CRYBG3: variants seen among roughly 807,000 people sequenced by gnomAD.
CRYBG3 encodes the protein crystallin beta-gamma domain containing 3.
A neutral mutation model predicts 244.2 loss-of-function variants in CRYBG3; 127 were observed. The observed-to-expected ratio is 0.52, with a 90% CI of 0.45 to 0.60. The LOEUF (loss-of-function observed/expected upper bound fraction) is 0.60. Among genes scored for constraint, CRYBG3 ranks in the 20% least tolerant of loss-of-function variants. The pLI, the probability that CRYBG3 is intolerant of heterozygous loss-of-function variation, is 0.00. For missense variants in CRYBG3, 3,325 were observed against 3,442.5 expected, an observed-to-expected ratio of 0.97 and a Z score of 0.85; for synonymous variants, 1,132 against 1,195.8, an observed-to-expected ratio of 0.95 and a Z score of 1.10.
intron 16 of CRYBG3, among the ~76,000 whole-genome samples, chr3:97,914,439 A>G (rs1325335026): frequency 6.6e-6 from 1 of 152,166 alleles, no homozygotes; most frequent in Non-Finnish European, 1.5e-5. Context: ...TTCTAGGACA[A>G]ACTAGTCACA....
intron 17 of CRYBG3, among the ~76,000 whole-genome samples, chr3:97,928,220 T>TA (rs58585339): frequency 0.081 from 12,281 of 151,992 alleles, 647 homozygotes; most frequent in Non-Finnish European, 0.12. Flanking sequence ...TGTGCAGCCA[T>TA]AAAAAAAGCA....
intron 15 of CRYBG3, among the ~76,000 whole-genome samples, chr3:97,910,055 T>TGCTCAGG: frequency 6.6e-6 from 1 of 151,868 alleles, no homozygotes; most frequent in East Asian, 1.9e-4. Context: ...CCAGTTAGGC[T>TGCTCAGG]GCTCAGGGGT....
intron 1 of CRYBG3, among the ~76,000 whole-genome samples, chr3:97,830,358 G>A (rs2038638557): frequency 6.6e-6 from 1 of 151,842 alleles, no homozygotes; most frequent in Non-Finnish European, 1.5e-5. Context: ...CTTGGTCTCT[G>A]TGTCTTCCTG....
In CRYBG3 at chr3:97,877,410, A is replaced by G. The variant is rs768690055; in HGVS notation, c.6216A>G (p.Ser2072=). The G allele has an allele frequency of 3.7e-6, 6 of 1,614,196 alleles. No individual in the cohort carries two copies. Among genetic ancestry groups the G allele is most frequent in the Non-Finnish European group, 4.2e-6 (5 of 1,180,024 alleles). ...FDSDSSEMFL[S]VEAKRYKIYP... ...GTGATAGTTCAGAAATGTTCTTATC[A>G]GTGGAGGCCAAAAGGTACAAAATTT... Residue 2072 remains serine (S), a synonymous_variant, in exon 4 of 22, where the codon TCA becomes TCG. Transcript: ENST00000389622.
At chr3:97,935,245 A>T (rs1397874034) in intron 18 of CRYBG3, among the ~76,000 whole-genome samples, 1 of 152,098 alleles carries the variant, frequency 6.6e-6, no homozygotes, top group African/African-American at 2.4e-5. Context: ...AAATCAATAT[A>T]TAATTAGGTA....
rs574306932 is a variant in CRYBG3, at chr3:97,902,733, T to G, written c.8004+2248T>G. Among the ~76,000 whole-genome samples, 19 of 152,276 alleles carry G rather than the reference T, an allele frequency of 1.2e-4. No individual in the cohort carries two copies. The South Asian group carries it at 3.9e-3, about 32-fold the overall frequency. ...ACACCACCTTTTATTGAGAAGATTT[T>G]TTTTTCCTGAAGACTGAAGGTTGGT... On this transcript the variant is annotated intron_variant, in intron 15 of 21. Coordinates refer to ENST00000389622, the MANE Select transcript of CRYBG3 (RefSeq NM_153605.4).
rs184723985 is a variant in CRYBG3 at position 97,876,355 on chromosome 3, G to C, written c.5161G>C (p.Asp1721His). The C allele has an allele frequency of 1.8e-3, 2,212 of 1,232,028 alleles. 12 individuals carry two copies. The highest frequency in any genetic ancestry group is 4.4e-3 in the Middle Eastern group (14 of 3,208). 76.3% of individuals were successfully genotyped at this position (1,232,028 alleles called of 1,614,324 possible). ...AGCAATGGAAAATACTTACCAAAAG[G>C]ATGCTGAAGGGGATATTGGAAAGGC... ...TLAMENTYQKDAEGDIGKAEV... is the reference protein window; with the variant it reads ...TLAMENTYQKHAEGDIGKAEV... The change falls in exon 4 of 22, where the codon GAT becomes CAT. Residue 1721 changes from aspartate to histidine, a missense_variant. Asp to His is a moderately conservative substitution (Grantham distance 81). Around this residue, in one of 4 missense-constraint regions of CRYBG3, gnomAD observed 635 missense variants for 771.7 expected, o/e 0.82. Coordinates refer to ENST00000389622, the MANE Select transcript of CRYBG3 (RefSeq NM_153605.4).
At chr3:97,898,247 T>G (rs931262823) in intron 12 of CRYBG3, among the ~76,000 whole-genome samples, 2 of 152,002 alleles carry the variant, frequency 1.3e-5, no homozygotes, top group Non-Finnish European at 2.9e-5. Flanking sequence ...AAAGAAAGTT[T>G]TATCTAATTG....
intron 9 of CRYBG3, among the ~76,000 whole-genome samples, chr3:97,888,861 T>C (rs1176448550): frequency 1.3e-5 from 2 of 152,164 alleles, no homozygotes; most frequent in Non-Finnish European, 2.9e-5. Context: ...ACAGTGCATG[T>C]GAGAAAAAGT....
intron 1 of CRYBG3, among the ~76,000 whole-genome samples, chr3:97,837,968 C>T (rs746057111): frequency 4.6e-5 from 7 of 152,090 alleles, no homozygotes; most frequent in Admixed American, 1.3e-4. Flanking sequence ...GCTTTACTCT[C>T]CCTTACTGTG....
At chr3:97,883,635 G>A (rs1051123839) in intron 7 of CRYBG3, among the ~76,000 whole-genome samples, 34 of 152,072 alleles carry the variant, frequency 2.2e-4, no homozygotes, top group Non-Finnish European at 3.2e-4. Context: ...GTTTGTTCTC[G>A]GAATCATTTT....
chr3:97,919,970 G>A (rs567528859), intron 17 of CRYBG3, among the ~76,000 whole-genome samples: 240 of 151,984 alleles, frequency 1.6e-3, no homozygotes, highest in Non-Finnish European at 2.0e-3. Flanking sequence ...GGGTTTCACC[G>A]TGTTGCCCAG....
chr3:97,912,056 T>G, intron 15 of CRYBG3, 111 bp from the exon 16 acceptor site: 1 of 503,292 alleles, frequency 2.0e-6, no homozygotes, highest in Admixed American at 3.8e-5. Flanking sequence ...AAAACATGAG[T>G]CTGATATTTT....
chr3:97,889,187 A>G lies in CRYBG3; in HGVS notation c.7405-168A>G, dbSNP rs186301510. ...ACACTATAACTTGGTTTTGGCTACT[A>G]TAGAGTTCTGTGCTTAAAGTTTAAA... is the stretch of plus-strand genomic sequence containing the variant. On this transcript the variant is annotated intron_variant, in intron 9 of 21. Coordinates refer to ENST00000389622, the MANE Select transcript of CRYBG3 (RefSeq NM_153605.4). Among the ~76,000 whole-genome samples, 43 of 152,300 alleles carry G rather than the reference A, an allele frequency of 2.8e-4. No homozygotes were observed. The East Asian group carries it at 6.2e-3, about 22-fold the overall frequency.
intron 1 of CRYBG3, among the ~76,000 whole-genome samples, chr3:97,824,328 AAAAACTTTTATC>A (rs1460802519): frequency 6.6e-6 from 1 of 152,244 alleles, no homozygotes; most frequent in Non-Finnish European, 1.5e-5. Flanking sequence ...TTGTGGGCAT[AAAAACTTTTATC>A]ATTATGAGAG....
chr3:97,851,239 G>A (rs955177730), intron 2 of CRYBG3, among the ~76,000 whole-genome samples: 1 of 152,120 alleles, frequency 6.6e-6, no homozygotes, highest in Admixed American at 6.5e-5. Context: ...TCAAGTATTG[G>A]TGGTGGAATT....
Position 97,876,691 on chromosome 3 carries a change from A to C in CRYBG3, c.5497A>C (p.Ile1833Leu). 2 of 1,242,808 alleles carry C rather than the reference A, an allele frequency of 1.6e-6. No homozygotes were observed. The highest frequency in any genetic ancestry group is 1.6e-5 in the African/African-American group (1 of 64,502). The allele number at this position is 1,242,808 out of a possible 1,614,324, so 77.0% of individuals were successfully genotyped here. A position where few individuals can be genotyped will look rare whatever the true frequency, so the allele number is the denominator to read the frequency against. ...ATGCAAGAGAGATGTTAAAGAGACT[A>C]TTGGAGCAACTGTGTCCACACCCTC... ...KACKRDVKETIGATVSTPSVI... is the reference protein window; with the variant it reads ...KACKRDVKETLGATVSTPSVI... Residue 1833 changes from isoleucine to leucine, a missense_variant, in exon 4 of 22, where the codon ATT becomes CTT. Physicochemically the swap from Ile to Leu is conservative, Grantham distance 5. This residue lies in a region of CRYBG3 where 635 missense variants were observed against 771.7 expected (regional missense o/e 0.82). Coordinates refer to ENST00000389622, the MANE Select transcript of CRYBG3 (RefSeq NM_153605.4).
At position 97,943,386 on chromosome 3, in the gene CRYBG3, C is replaced by T. The variant is rs946173160; in HGVS notation, c.*72C>T. Reference sequence around the variant, plus strand: ...AACACATCTGTCATTGTCTTGTGGACGTGGAAAGGAAGCTACTGTCCTCAC... The same window carrying T: ...AACACATCTGTCATTGTCTTGTGGATGTGGAAAGGAAGCTACTGTCCTCAC... On this transcript the variant is annotated 3_prime_UTR_variant, in exon 22 of 22. Transcript: ENST00000389622. The T allele has an allele frequency of 1.7e-5, 15 of 881,512 alleles. No homozygotes were observed. The highest frequency in any genetic ancestry group is 8.8e-5 in the South Asian group (6 of 67,838). The allele number at this position is 881,512 out of a possible 1,614,324, so 54.6% of individuals were successfully genotyped here. A position where few individuals can be genotyped will look rare whatever the true frequency, so the allele number is the denominator to read the frequency against.
intron 3 of CRYBG3, among the ~76,000 whole-genome samples, chr3:97,871,518 A>T (rs1284133865): frequency 6.6e-6 from 1 of 151,888 alleles, no homozygotes; most frequent in Non-Finnish European, 1.5e-5. Flanking sequence ...AGAGTCAGAC[A>T]CTCCTTTGAG....
Sources: allele counts gnomAD v4.1 joint callset (sites outside exome capture counted in the v4.1 genomes callset), GRCh38; gene constraint gnomAD v4.1.1; regional missense constraint gnomAD v4.1.1; transcripts MANE v1.5; gene names NCBI Gene and HGNC (gene_info 2026-07-23, HGNC 2026-07-21).